CCDC7: variants seen among roughly 807,000 people sequenced by gnomAD.
CCDC7 encodes the protein coiled-coil domain-containing protein 7.
A neutral mutation model predicts 196.9 loss-of-function variants in CCDC7; 183 were observed. The ratio of observed to expected loss-of-function variants is 0.93; its 90% CI spans 0.82 to 1.05. The LOEUF is 1.05. CCDC7 is among the 50% of genes least tolerant of loss of function. CCDC7 has a pLI of 0.00. For missense variants in CCDC7, 1,540 were observed against 1,482.2 expected (o/e 1.04, Z -0.64); for synonymous variants, 525 against 484.6 (o/e 1.08, Z -1.10).
At chr10:32,818,416 T>G (rs1205903367) in intron 31 of CCDC7, among the ~76,000 whole-genome samples, 1 of 152,102 alleles carries the variant, frequency 6.6e-6, no homozygotes, top group Non-Finnish European at 1.5e-5. Context: ...ACTGTCAACA[T>G]TAGACAGATC....
chr10:32,510,928 A>G (rs1369736478), intron 9 of CCDC7, among the ~76,000 whole-genome samples: 1 of 151,138 alleles, frequency 6.6e-6, no homozygotes, highest in Non-Finnish European at 1.5e-5. Context: ...AGATGTGCCT[A>G]TAATTTCAGC....
intron 25 of CCDC7, among the ~76,000 whole-genome samples, chr10:32,713,669 TGGG>T (rs1165050030): frequency 6.6e-6 from 1 of 152,236 alleles, no homozygotes; most frequent in East Asian, 1.9e-4. Context: ...CACTATCTAT[TGGG>T]GGGCCCATCA....
intron 24 of CCDC7, among the ~76,000 whole-genome samples, chr10:32,705,198 A>G (rs1591817228): frequency 6.6e-6 from 1 of 152,236 alleles, no homozygotes; most frequent in East Asian, 1.9e-4. Flanking sequence ...TCAACCCACA[A>G]TTACATATCC....
At chr10:32,660,762 G>A (rs2071186416) in intron 20 of CCDC7, among the ~76,000 whole-genome samples, 1 of 151,684 alleles carries the variant, frequency 6.6e-6, no homozygotes, top group African/African-American at 2.4e-5. Context: ...TGGGAAAACT[G>A]GCTAGCCATA....
intron 32 of CCDC7, among the ~76,000 whole-genome samples, chr10:32,832,306 C>G (rs903253210): frequency 6.6e-6 from 1 of 152,062 alleles, no homozygotes; most frequent in South Asian, 2.1e-4. Flanking sequence ...TGGTTCAAGA[C>G]CAGTCTGGCC....
downstream of CCDC7, among the ~76,000 whole-genome samples, chr10:32,878,906 G>A (rs1174453071): frequency 1.3e-5 from 2 of 152,028 alleles, no homozygotes; most frequent in Admixed American, 6.6e-5. Flanking sequence ...ATATAAATTA[G>A]GATATTCATC....
At chr10:32,790,212 C>T (rs1363027143) in intron 29 of CCDC7, among the ~76,000 whole-genome samples, 3 of 152,218 alleles carry the variant, frequency 2.0e-5, no homozygotes, top group South Asian at 4.1e-4. Context: ...TCTGACTCCA[C>T]GGCCCGCTCA....
intron 25 of CCDC7, among the ~76,000 whole-genome samples, chr10:32,725,800 C>G (rs2083037948): frequency 6.6e-6 from 1 of 150,780 alleles, no homozygotes; most frequent in South Asian, 2.2e-4. Context: ...GGCACCAAGC[C>G]ATTCATGAAG....
At chr10:32,873,203 A>G (rs925682557) in intron 41 of CCDC7, among the ~76,000 whole-genome samples, 5 of 152,216 alleles carry the variant, frequency 3.3e-5, no homozygotes, top group Admixed American at 6.5e-5. Flanking sequence ...GTCTTTTCAC[A>G]TAGTCCCATA....
At chr10:32,732,043 T>G (rs1170799299) in intron 28 of CCDC7, among the ~76,000 whole-genome samples, 1 of 151,982 alleles carries the variant, frequency 6.6e-6, no homozygotes, top group Non-Finnish European at 1.5e-5. Flanking sequence ...AGAGTTAGAC[T>G]CCGTCTCAAA....
chr10:32,455,279 ATATTTATTTATTTATT>A (rs72086158), intron 2 of CCDC7, among the ~76,000 whole-genome samples: 16,983 of 146,910 alleles, frequency 0.12, 1,167 homozygotes, highest in South Asian at 0.27. Flanking sequence ...GCCTCTCAGC[ATATTTATTTATTTATT>A]TATTTATTTA....
At chr10:32,798,024 A>G (rs1349973691) in intron 29 of CCDC7, among the ~76,000 whole-genome samples, 1 of 152,182 alleles carries the variant, frequency 6.6e-6, no homozygotes, top group African/African-American at 2.4e-5. Flanking sequence ...TAAAGTGAAT[A>G]CCTTGGTCAG....
intron 21 of CCDC7, among the ~76,000 whole-genome samples, chr10:32,684,860 G>A (rs535500929): frequency 1.9e-4 from 29 of 152,138 alleles, no homozygotes; most frequent in African/African-American, 2.6e-4. Context: ...GTTAAATATC[G>A]TATTGATGAT....
At chr10:32,808,847 G>A (rs1157233104) in intron 30 of CCDC7, among the ~76,000 whole-genome samples, 2 of 151,936 alleles carry the variant, frequency 1.3e-5, no homozygotes, top group East Asian at 1.9e-4. Flanking sequence ...TACAGAGGCC[G>A]TATACCACTG....
chr10:32,595,543 T>G (rs1212589342), intron 18 of CCDC7, among the ~76,000 whole-genome samples: 1 of 152,242 alleles, frequency 6.6e-6, no homozygotes, highest in African/African-American at 2.4e-5. Context: ...TCTATCTCCT[T>G]CAGTTCTGCT....
At chr10:32,557,617 C>A (rs2054582475) in intron 13 of CCDC7, among the ~76,000 whole-genome samples, 1 of 152,092 alleles carries the variant, frequency 6.6e-6, no homozygotes, top group Non-Finnish European at 1.5e-5. Flanking sequence ...TCATCAGATC[C>A]CATCTGTTCT....
chr10:32,799,471 GT>G (rs1483927616), intron 29 of CCDC7, among the ~76,000 whole-genome samples: 5 of 152,168 alleles, frequency 3.3e-5, no homozygotes, highest in Admixed American at 6.5e-5. Context: ...AGCCTTTTGG[GT>G]CCCTGGATAA....
intron 29 of CCDC7, among the ~76,000 whole-genome samples, chr10:32,785,926 A>G (rs1385102801): frequency 6.6e-6 from 1 of 152,062 alleles, no homozygotes; most frequent in African/African-American, 2.4e-5. Flanking sequence ...TTCCTTCCTC[A>G]GCTTGATATA....
chr10:32,651,704 G>A (rs1056436485), intron 20 of CCDC7, among the ~76,000 whole-genome samples: 3 of 152,104 alleles, frequency 2.0e-5, no homozygotes, highest in Non-Finnish European at 2.9e-5. Flanking sequence ...GTCCCTGGTC[G>A]GAGGGGAGGT....
Sources: allele counts gnomAD v4.1 joint callset (sites outside exome capture counted in the v4.1 genomes callset), GRCh38; gene constraint gnomAD v4.1.1; transcripts MANE v1.5; gene names NCBI Gene and HGNC (gene_info 2026-07-23, HGNC 2026-07-21).